Variants in PTPRM observed in about 807,000 individuals in gnomAD.
PTPRM encodes protein tyrosine phosphatase receptor type M.
A neutral mutation model predicts 186.7 loss-of-function variants in PTPRM; 47 were observed. The observed-to-expected ratio is 0.25, with a 90% CI of 0.20 to 0.32. The LOEUF (loss-of-function observed/expected upper bound fraction) is 0.32. Among genes scored for constraint, PTPRM ranks in the 10% least tolerant of loss-of-function variants. The pLI, the probability that PTPRM is intolerant of heterozygous loss-of-function variation, is 1.00. For synonymous variants in PTPRM, 668 were observed against 674.9 expected, an observed-to-expected ratio of 0.99 and a Z score of 0.16; for missense variants, 1,494 against 1,865.0, an observed-to-expected ratio of 0.80 and a Z score of 3.66.
At chr18:8,126,010 TATATATATATATATATA>T (rs1261711881) in intron 13 of PTPRM, among the ~76,000 whole-genome samples, 2 of 23,794 alleles carry the variant, frequency 8.4e-5, no homozygotes, top group African/African-American at 2.2e-4. Context: ...TATATATATA[TATATATATATATATATA>T]TTTTAAATCA....
chr18:7,812,148 T>A (rs2044556250), intron 2 of PTPRM, among the ~76,000 whole-genome samples: 1 of 152,256 alleles, frequency 6.6e-6, no homozygotes. Flanking sequence ...CAATATTGGA[T>A]GAAGTAGGCA....
intron 2 of PTPRM, among the ~76,000 whole-genome samples, chr18:7,846,480 A>G (rs35438065): frequency 0.49 from 74,006 of 152,134 alleles, 18,853 homozygotes; most frequent in East Asian, 0.65. Flanking sequence ...TTGCTGTGGC[A>G]ACTGGTGTCC....
At chr18:7,688,141 C>T (rs988510268) in intron 1 of PTPRM, among the ~76,000 whole-genome samples, 4 of 152,100 alleles carry the variant, frequency 2.6e-5, no homozygotes, top group Non-Finnish European at 4.4e-5. Flanking sequence ...GAGCATATGG[C>T]ATCATATTTT....
At chr18:7,943,380 C>T (rs1382786296) in intron 5 of PTPRM, among the ~76,000 whole-genome samples, 1 of 152,078 alleles carries the variant, frequency 6.6e-6, no homozygotes, top group Admixed American at 6.5e-5. Flanking sequence ...TATTCTAGCT[C>T]ATGATTCCAA....
chr18:7,658,357 T>TAC lies in PTPRM; in HGVS notation c.73+90467_73+90468insCA, dbSNP rs1441346866. ...ATATATATATATATATATATATATA[T>TAC]ATACATACACACACACACACGCTAT... On this transcript the variant is annotated intron_variant, in intron 1 of 32. Coordinates refer to ENST00000580170, the MANE Select transcript of PTPRM (RefSeq NM_001105244.2). Among the ~76,000 whole-genome samples, 4 of 138,106 alleles carry TAC rather than the reference T, an allele frequency of 2.9e-5. No individual in the cohort carries two copies. The East Asian group carries it at 6.7e-4, about 23-fold the overall frequency. 90.6% of individuals were successfully genotyped at this position (138,106 alleles called of 152,430 possible).
At chr18:8,351,770 A>G (rs7244164) in intron 23 of PTPRM, among the ~76,000 whole-genome samples, 42,156 of 152,174 alleles carry the variant, frequency 0.28, 6,524 homozygotes, top group Middle Eastern at 0.51. Flanking sequence ...TCCCATCCAG[A>G]CACTGCCAGG....
intron 20 of PTPRM, among the ~76,000 whole-genome samples, chr18:8,298,862 T>G (rs1342921849): frequency 6.6e-6 from 1 of 152,150 alleles, no homozygotes; most frequent in African/African-American, 2.4e-5. Context: ...ACTTGTAATC[T>G]TAGCACTTTG....
chr18:7,670,251 T>G (rs548800038), intron 1 of PTPRM, among the ~76,000 whole-genome samples: 1 of 152,342 alleles, frequency 6.6e-6, no homozygotes, highest in African/African-American at 2.4e-5. Context: ...TAGCCACGTT[T>G]CAAGTATTCA....
chr18:8,316,926 G>C (rs1464781098), intron 21 of PTPRM, among the ~76,000 whole-genome samples: 2 of 152,134 alleles, frequency 1.3e-5, no homozygotes, highest in Non-Finnish European at 2.9e-5. Flanking sequence ...AGGCCTTGTT[G>C]TGGAATTTGT....
At chr18:8,026,562 A>G (rs2085581276) in intron 7 of PTPRM, among the ~76,000 whole-genome samples, 1 of 152,126 alleles carries the variant, frequency 6.6e-6, no homozygotes, top group South Asian at 2.1e-4. Context: ...ATTTTCAAAC[A>G]TTAATATGCT....
intron 22 of PTPRM, among the ~76,000 whole-genome samples, chr18:8,337,750 C>T (rs1386064546): frequency 6.6e-6 from 1 of 152,136 alleles, no homozygotes; most frequent in Non-Finnish European, 1.5e-5. Context: ...TTAAGTGACG[C>T]ATCAGCAGAG....
At chr18:8,076,343 G>A (rs1301718601) in intron 8 of PTPRM, 112 bp from the exon 9 acceptor site, 3 of 668,552 alleles carry the variant, frequency 4.5e-6, no homozygotes, top group Non-Finnish European at 5.3e-6. Context: ...TTGAGTATAT[G>A]TGTGGACTAT....
intron 2 of PTPRM, chr18:7,814,529 G>A (rs1361238395): frequency 6.6e-6 from 1 of 152,200 alleles, no homozygotes; most frequent in African/African-American, 2.4e-5. Flanking sequence ...CAGGTGTCAT[G>A]GAAAACAGGT....
chr18:7,889,333 C>CTTTCTTTTTTTTTTTTTTTTTTTTTT (rs1555633913), intron 3 of PTPRM, among the ~76,000 whole-genome samples: 1 of 119,858 alleles, frequency 8.3e-6, no homozygotes. Context: ...TCTTTTCTTT[C>CTTTCTTTTTTTTTTTTTTTTTTTTTT]TTTTTTTTTT....
At chr18:7,819,508 A>T (rs1419680969) in intron 2 of PTPRM, among the ~76,000 whole-genome samples, 1 of 152,048 alleles carries the variant, frequency 6.6e-6, no homozygotes, top group African/African-American at 2.4e-5. Flanking sequence ...AAGTGGCTCA[A>T]CTCTAGGGGA....
intron 7 of PTPRM, among the ~76,000 whole-genome samples, chr18:7,970,820 A>C (rs780324619): frequency 1.4e-5 from 1 of 71,910 alleles, no homozygotes; most frequent in Non-Finnish European, 2.6e-5. Context: ...GGACACAAAC[A>C]AATGGAAGAA....
intron 1 of PTPRM, among the ~76,000 whole-genome samples, chr18:7,630,077 A>G (rs903957897): frequency 6.6e-6 from 1 of 152,068 alleles, no homozygotes; most frequent in Non-Finnish European, 1.5e-5. Flanking sequence ...GTTTTGAACG[A>G]ATGGAAATTG....
At chr18:7,599,056 T>G (rs981461320) in intron 1 of PTPRM, among the ~76,000 whole-genome samples, 1 of 152,232 alleles carries the variant, frequency 6.6e-6, no homozygotes, top group Non-Finnish European at 1.5e-5. Flanking sequence ...AGTAGTTTAA[T>G]CAAGTGTTTA....
intron 14 of PTPRM, among the ~76,000 whole-genome samples, chr18:8,188,321 T>C (rs984580115): frequency 6.6e-6 from 1 of 152,232 alleles, no homozygotes; most frequent in Admixed American, 6.5e-5. Flanking sequence ...AGTCCTTCCC[T>C]GTGGCAGCAG....
Sources: gnomAD v4.1 joint callset for allele counts (sites outside exome capture counted in the v4.1 genomes callset) on GRCh38, gnomAD v4.1.1 for gene constraint, MANE v1.5 for transcripts, NCBI Gene and HGNC (gene_info 2026-07-23, HGNC 2026-07-21) for gene names.